FRAS1: variants seen among roughly 807,000 people sequenced by gnomAD.
FRAS1 encodes the protein extracellular matrix organizing protein FRAS1.
A neutral mutation model predicts 435.2 loss-of-function variants in FRAS1; 290 were observed. That is an observed-to-expected ratio of 0.67 (90% CI 0.61 to 0.73). FRAS1 has a LOEUF of 0.73. FRAS1 is among the 30% of genes least tolerant of loss of function. FRAS1 has a pLI of 0.00. For missense variants in FRAS1, 4,860 were observed against 5,001.5 expected (o/e 0.97, Z 0.85); for synonymous variants, 1,800 against 1,851.0 (o/e 0.97, Z 0.71).
chr4:78,395,382 C>T (rs566371389), intron 29 of FRAS1, among the ~76,000 whole-genome samples: 1 of 152,026 alleles, frequency 6.6e-6, no homozygotes, highest in South Asian at 2.1e-4. Flanking sequence ...TCCATTTGTT[C>T]CATAGTGTTA....
chr4:78,511,582 A>G, intron 64 of FRAS1, 76 bp downstream of exon 64: 1 of 1,055,144 alleles, frequency 9.5e-7, no homozygotes, highest in Non-Finnish European at 1.4e-6. Context: ...TCCCAGGACA[A>G]TCAATAAGGG....
At chr4:78,253,211 A>T (rs947481050) in intron 5 of FRAS1, among the ~76,000 whole-genome samples, 1 of 152,216 alleles carries the variant, frequency 6.6e-6, no homozygotes, top group Non-Finnish European at 1.5e-5. Context: ...GTCTGCAAGA[A>T]GAAAAAATAT....
chr4:78,536,672 T>TC (rs1721892075), intron 71 of FRAS1, among the ~76,000 whole-genome samples: 1 of 152,168 alleles, frequency 6.6e-6, no homozygotes, highest in African/African-American at 2.4e-5. Flanking sequence ...TTTGTTTCCA[T>TC]CCTCTCAACT....
At chr4:78,392,784 A>T (rs531380174) in intron 29 of FRAS1, among the ~76,000 whole-genome samples, 1 of 152,116 alleles carries the variant, frequency 6.6e-6, no homozygotes, top group East Asian at 1.9e-4. Flanking sequence ...GGATATATAC[A>T]TCATGTACAG....
chr4:78,171,198 TA>T (rs549234140), intron 2 of FRAS1, among the ~76,000 whole-genome samples: 1 of 151,770 alleles, frequency 6.6e-6, no homozygotes, highest in East Asian at 1.9e-4. Flanking sequence ...TTTTGTTAAT[TA>T]AAAAAAATAA....
intron 1 of FRAS1, among the ~76,000 whole-genome samples, chr4:78,065,081 T>TATACACACACACACAC (rs1553915420): frequency 8.0e-6 from 1 of 125,690 alleles, no homozygotes; most frequent in African/African-American, 3.0e-5. Context: ...TATATATATA[T>TATACACACACACACAC]ATACATACAC....
intron 26 of FRAS1, among the ~76,000 whole-genome samples, chr4:78,377,949 G>T (rs1731845249): frequency 6.6e-6 from 1 of 152,032 alleles, no homozygotes; most frequent in African/African-American, 2.4e-5. Context: ...TAAAATTCAT[G>T]CTTTAAAGTA....
At chr4:78,483,768 C>CTATATATATATATATAGATA (rs1491536432) in intron 58 of FRAS1, among the ~76,000 whole-genome samples, 1 of 6,516 alleles carries the variant, frequency 1.5e-4, no homozygotes, top group Admixed American at 1.9e-3. Flanking sequence ...AAAAAAAAAA[C>CTATATATATATATATAGATA]TCTCTCTCTC....
chr4:78,439,744 G>A (rs777130051), intron 40 of FRAS1, among the ~76,000 whole-genome samples: 2 of 151,934 alleles, frequency 1.3e-5, no homozygotes, highest in Non-Finnish European at 2.9e-5. Flanking sequence ...AATCCTCCCC[G>A]CTCAGCCTCC....
At chr4:78,238,263 T>C (rs540076273) in intron 3 of FRAS1, among the ~76,000 whole-genome samples, 38 of 151,444 alleles carry the variant, frequency 2.5e-4, no homozygotes, top group Non-Finnish European at 5.0e-4. Context: ...TTAAAAATTT[T>C]CAGTTTTCTT....
At chr4:78,178,260 C>T (rs1008967179) in intron 2 of FRAS1, among the ~76,000 whole-genome samples, 1 of 151,852 alleles carries the variant, frequency 6.6e-6, no homozygotes. Context: ...GCATTTTTAT[C>T]GAAAGAATGA....
At chr4:78,372,349 G>T (rs1344346813) in intron 23 of FRAS1, among the ~76,000 whole-genome samples, 1 of 152,154 alleles carries the variant, frequency 6.6e-6, no homozygotes, top group Non-Finnish European at 1.5e-5. Flanking sequence ...AGAAGTCAGG[G>T]TTAGGTTTGT....
At chr4:78,342,563 T>G (rs566525511) in intron 20 of FRAS1, among the ~76,000 whole-genome samples, 18 of 152,322 alleles carry the variant, frequency 1.2e-4, no homozygotes, top group African/African-American at 4.1e-4. Flanking sequence ...ATTTTTTTTT[T>G]GCCCACATCT....
In FRAS1 at chr4:78,388,690, C is replaced by G. The variant is rs534865454; in HGVS notation, c.3975+989C>G. Among the ~76,000 whole-genome samples the G allele has an allele frequency of 7.9e-5, 12 of 151,088 alleles. No homozygotes were observed. In the South Asian group the frequency reaches 2.5e-3, roughly 32 times the overall value. On this transcript the variant is annotated intron_variant, in intron 29 of 73. Coordinates refer to ENST00000512123, the MANE Select transcript of FRAS1 (RefSeq NM_025074.7). ...GGGTGCAATGGCATGCACCTATAGT[C>G]TCCACTACTCAGAAGGCTGAGGTGG...
At chr4:78,449,033 G>A (rs1035942589) in intron 44 of FRAS1, among the ~76,000 whole-genome samples, 3 of 152,168 alleles carry the variant, frequency 2.0e-5, no homozygotes, top group African/African-American at 7.2e-5. Flanking sequence ...GTTCTCAAAG[G>A]TCTTAAATAT....
chr4:78,180,061 G>C (rs1048531971), intron 2 of FRAS1, among the ~76,000 whole-genome samples: 1 of 152,204 alleles, frequency 6.6e-6, no homozygotes, highest in African/African-American at 2.4e-5. Context: ...CTCCTACGAG[G>C]TTCCTAGTCT....
intron 61 of FRAS1, among the ~76,000 whole-genome samples, chr4:78,505,787 G>A (rs59249633): frequency 0.33 from 50,006 of 151,934 alleles, 8,963 homozygotes; most frequent in South Asian, 0.52. Flanking sequence ...GAGGAGCTGC[G>A]ATCCTTTGGA....
chr4:78,388,180 C>T (rs1192592755), intron 29 of FRAS1, among the ~76,000 whole-genome samples: 1 of 151,910 alleles, frequency 6.6e-6, no homozygotes, highest in Non-Finnish European at 1.5e-5. Flanking sequence ...AAAAAATTCG[C>T]TGGGCGTGGT....
chr4:78,234,479 C>T (rs1474828805), intron 2 of FRAS1, among the ~76,000 whole-genome samples: 4 of 152,274 alleles, frequency 2.6e-5, no homozygotes, highest in East Asian at 3.9e-4. Context: ...CCCGCCTCGG[C>T]CCCCGAAAGT....
Sources: allele counts gnomAD v4.1 joint callset (sites outside exome capture counted in the v4.1 genomes callset), GRCh38; gene constraint gnomAD v4.1.1; transcripts MANE v1.5; gene names NCBI Gene and HGNC (gene_info 2026-07-23, HGNC 2026-07-21).